Variants in NMNAT2 observed in about 807,000 individuals in gnomAD.
NMNAT2 encodes the protein nicotinamide nucleotide adenylyltransferase 2, also known as nicotinamide/nicotinic acid mononucleotide adenylyltransferase 2.
In NMNAT2, 11 loss-of-function variants were observed where a neutral mutation model predicts 41.6. That is an observed-to-expected ratio of 0.26 (90% CI 0.17 to 0.44). NMNAT2 has a LOEUF of 0.44. Among genes scored for constraint, NMNAT2 ranks in the 20% least tolerant of loss-of-function variants. NMNAT2 has a pLI of 1.00. For missense variants in NMNAT2, 288 were observed against 407.7 expected (o/e 0.71, Z 2.53); for synonymous variants, 148 against 151.2 (o/e 0.98, Z 0.16).
At chr1:183,334,192 G>A (rs913604417) in intron 1 of NMNAT2, among the ~76,000 whole-genome samples, 2 of 152,190 alleles carry the variant, frequency 1.3e-5, no homozygotes, top group East Asian at 1.9e-4. Flanking sequence ...TCACTCTTCC[G>A]AGTAGCTGGG....
intron 8 of NMNAT2, among the ~76,000 whole-genome samples, chr1:183,270,890 T>C (rs570910635): frequency 2.0e-5 from 3 of 152,190 alleles, no homozygotes; most frequent in Non-Finnish European, 2.9e-5. Flanking sequence ...GTTCCATTTA[T>C]CCTGGGGCCC....
Position 183,251,643 on chromosome 1 carries a change from A to G in NMNAT2, c.*998T>C, listed in dbSNP as rs1660383055. 6.5e-6 allele frequency: 1 copy of G among 152,804 alleles called. No individual in the cohort carries two copies. The highest frequency in any genetic ancestry group is 6.5e-5 in the Admixed American group (1 of 15,272). The allele number at this position is 152,804 out of a possible 1,614,324, so 9.5% of individuals were successfully genotyped here. A position where few individuals can be genotyped will look rare whatever the true frequency, so the allele number is the denominator to read the frequency against. Reference sequence around the variant, plus strand: ...AACCCCTGGCTGGTAGGGAACCCGCACTGTGCCATCAGCTACAGTCCACAA... The same window carrying G: ...AACCCCTGGCTGGTAGGGAACCCGCGCTGTGCCATCAGCTACAGTCCACAA... On this transcript the variant is annotated 3_prime_UTR_variant, in exon 11 of 11. Transcript: ENST00000287713.
intron 1 of NMNAT2, among the ~76,000 whole-genome samples, chr1:183,416,903 G>T (rs779644433): frequency 2.6e-5 from 4 of 152,008 alleles, no homozygotes; most frequent in South Asian, 2.1e-4. Context: ...ACGTGTGCCC[G>T]CATCCAGCTC....
chr1:183,312,183 T>C (rs1182058089), intron 1 of NMNAT2, among the ~76,000 whole-genome samples: 1 of 152,186 alleles, frequency 6.6e-6, no homozygotes, highest in Non-Finnish European at 1.5e-5. Flanking sequence ...ATAAGCATAC[T>C]ATGAAATAGA....
At chr1:183,394,548 G>T (rs1648577913) in intron 1 of NMNAT2, among the ~76,000 whole-genome samples, 1 of 152,214 alleles carries the variant, frequency 6.6e-6, no homozygotes, top group Non-Finnish European at 1.5e-5. Context: ...GAAAGGCTTT[G>T]TGAGGGTGAG....
intron 1 of NMNAT2, among the ~76,000 whole-genome samples, chr1:183,328,394 GC>G (rs1035773051): frequency 9.2e-5 from 14 of 152,332 alleles, no homozygotes; most frequent in South Asian, 2.1e-4. Context: ...ATGTTAATAA[GC>G]CCTTCTAGGA....
rs369432128 is a variant in NMNAT2 at position 183,341,748 on chromosome 1, C to CAAAAAAAAA, written c.86-47956_86-47955insTTTTTTTTT. Among the ~76,000 whole-genome samples the CAAAAAAAAA allele has an allele frequency of 6.1e-3, 489 of 79,830 alleles. 49 individuals are homozygous for CAAAAAAAAA. Among genetic ancestry groups the CAAAAAAAAA allele is most frequent in the African/African-American group, 0.02 (458 of 22,672 alleles). 52.4% of individuals were successfully genotyped at this position (79,830 alleles called of 152,430 possible). On this transcript the variant is annotated intron_variant, in intron 1 of 10. Coordinates refer to ENST00000287713, the MANE Select transcript of NMNAT2 (RefSeq NM_015039.4). The stretch of plus-strand genomic sequence containing the variant: ...ACCAAAAAAAAAAAAAAAAAAAAAA[C>CAAAAAAAAA]CTGTTTCCTTCACTCCAGGTTACTT...
intron 1 of NMNAT2, among the ~76,000 whole-genome samples, chr1:183,387,898 C>T (rs763792589): frequency 5.3e-5 from 8 of 152,162 alleles, no homozygotes; most frequent in African/African-American, 1.9e-4. Flanking sequence ...GATTCTCAGT[C>T]GGGTGGTCTT....
At chr1:183,375,721 T>G (rs1663663444) in intron 1 of NMNAT2, among the ~76,000 whole-genome samples, 1 of 152,236 alleles carries the variant, frequency 6.6e-6, no homozygotes, top group South Asian at 2.1e-4. Flanking sequence ...ACTTCTTGAC[T>G]ACTATCCATT....
At chr1:183,363,869 A>G (rs1663360032) in intron 1 of NMNAT2, among the ~76,000 whole-genome samples, 1 of 152,162 alleles carries the variant, frequency 6.6e-6, no homozygotes, top group Admixed American at 6.5e-5. Flanking sequence ...GTAATGCACA[A>G]GGCCTGTCAT....
At chr1:183,354,353 C>T (rs1663133730) in intron 1 of NMNAT2, among the ~76,000 whole-genome samples, 1 of 150,530 alleles carries the variant, frequency 6.6e-6, no homozygotes, top group Non-Finnish European at 1.5e-5. Flanking sequence ...CAGGAATCAT[C>T]GTATCTGTCC....
intron 1 of NMNAT2, among the ~76,000 whole-genome samples, chr1:183,336,991 G>A (rs529346689): frequency 6.6e-6 from 1 of 152,270 alleles, no homozygotes; most frequent in Admixed American, 6.5e-5. Flanking sequence ...GGTCAAGAAT[G>A]CAAAACTAAT....
chr1:183,310,659 A>G (rs920080313), intron 1 of NMNAT2, among the ~76,000 whole-genome samples: 3 of 152,226 alleles, frequency 2.0e-5, no homozygotes, highest in Admixed American at 6.5e-5. Context: ...AGTTGGCAGA[A>G]GCCAGGGGTT....
chr1:183,295,647 A>G (rs1291524987), intron 1 of NMNAT2, among the ~76,000 whole-genome samples: 2 of 152,144 alleles, frequency 1.3e-5, no homozygotes, highest in African/African-American at 2.4e-5. Flanking sequence ...TCCCCTAAAA[A>G]TTCAGTGTTC....
intron 1 of NMNAT2, among the ~76,000 whole-genome samples, chr1:183,329,562 T>C (rs1662536908): frequency 6.6e-6 from 1 of 152,190 alleles, no homozygotes; most frequent in South Asian, 2.1e-4. Context: ...GGGATGACCC[T>C]GCTAAGATCA....
rs199635126 is a variant in NMNAT2, at chr1:183,251,948, C to T, written c.*693G>A. 7.2e-5 allele frequency: 11 copies of T among 152,110 alleles called. No individual in the cohort carries two copies. The highest frequency in any genetic ancestry group is 5.7e-4 in the South Asian group (3 of 5,236). 9.4% of individuals were successfully genotyped at this position (152,110 alleles called of 1,614,324 possible). On this transcript the variant is annotated 3_prime_UTR_variant, in exon 11 of 11. Coordinates refer to ENST00000287713, the MANE Select transcript of NMNAT2 (RefSeq NM_015039.4). ...GCATGTGTGCGTGTGTGTGTGTGTG[C>T]GTGTGTGTGGTGCTGAAGAAGTGGA...
intron 1 of NMNAT2, among the ~76,000 whole-genome samples, chr1:183,301,925 G>T (rs996476538): frequency 1.3e-5 from 2 of 152,140 alleles, no homozygotes; most frequent in Admixed American, 6.5e-5. Context: ...AATTAGAAAT[G>T]ACCCCTTCTG....
chr1:183,317,557 C>T (rs1004450189), intron 1 of NMNAT2, among the ~76,000 whole-genome samples: 1 of 152,220 alleles, frequency 6.6e-6, no homozygotes, highest in African/African-American at 2.4e-5. Flanking sequence ...TAGGCATGAG[C>T]CACCATGCCT....
At chr1:183,293,434 T>C (rs10797864) in intron 2 of NMNAT2, among the ~76,000 whole-genome samples, 83,960 of 152,180 alleles carry the variant, frequency 0.55, 24,497 homozygotes, top group Non-Finnish European at 0.64. Flanking sequence ...AGTGGGTGTT[T>C]CTGCTCCTCT....
Sources: allele counts gnomAD v4.1 joint callset (sites outside exome capture counted in the v4.1 genomes callset), GRCh38; gene constraint gnomAD v4.1.1; transcripts MANE v1.5; gene names NCBI Gene and HGNC (gene_info 2026-07-23, HGNC 2026-07-21).